The following EMID1 variants were observed in gnomAD, a reference collection of about 807,000 sequenced individuals.
EMID1 encodes the protein EMI domain-containing protein 1.
EMID1 carries 40 observed loss-of-function variants against 60.6 expected under a neutral mutation model. The observed-to-expected ratio is 0.66, with a 90% confidence interval of 0.51 to 0.86. EMID1 has a LOEUF of 0.86. EMID1 is among the 40% of genes least tolerant of loss of function. The pLI, the probability that EMID1 is intolerant of heterozygous loss-of-function variation, is 0.00. For synonymous variants in EMID1, 242 were observed against 231.0 expected (o/e 1.05, Z -0.43); for missense variants, 585 against 597.1 (o/e 0.98, Z 0.21).
At chr22:29,218,871 G>T (rs955599942) in intron 3 of EMID1, among the ~76,000 whole-genome samples, 1 of 152,194 alleles carries the variant, frequency 6.6e-6, no homozygotes, top group East Asian at 1.9e-4. Context: ...AGAGGGCGTG[G>T]GTCTCACATA....
intron 13 of EMID1, among the ~76,000 whole-genome samples, chr22:29,253,076 A>T (rs532018791): frequency 3.3e-5 from 5 of 152,246 alleles, no homozygotes; most frequent in South Asian, 2.1e-4. Flanking sequence ...TGCGAAAGCA[A>T]TATAGGCTTT....
At chr22:29,216,193 A>G (rs2040076310) in intron 3 of EMID1, 1 of 512,514 alleles carries the variant, frequency 2.0e-6, no homozygotes, top group Non-Finnish European at 2.5e-6. Flanking sequence ...CTCTCACCCC[A>G]CCTGGCTTCA....
At chr22:29,227,521 A>G (rs1362886980) in intron 5 of EMID1, among the ~76,000 whole-genome samples, 1 of 152,000 alleles carries the variant, frequency 6.6e-6, no homozygotes, top group East Asian at 1.9e-4. Flanking sequence ...TCTGGCCAAC[A>G]TGGCATAACC....
At chr22:29,232,050 C>T in intron 7 of EMID1, 1 of 614,842 alleles carries the variant, frequency 1.6e-6, no homozygotes, top group East Asian at 2.8e-5. Flanking sequence ...GTTTGGGAGC[C>T]CCAAGGAAGG....
In EMID1 at chr22:29,215,605, G is replaced by A. The variant is rs1251072554; in HGVS notation, c.294G>A (p.Gly98=). Residue 98 remains glycine, a synonymous_variant, in exon 3 of 15, where the codon GGG becomes GGA. Coordinates refer to ENST00000334018, the MANE Select transcript of EMID1 (RefSeq NM_133455.4). ...VTAREWRCCP[G]HSGVSCEEVA... ...CCCGTGAGTGGAGGTGCTGCCCTGG[G>A]CACTCAGGAGTGAGCTGCGAGGAAG... 2 of 1,613,968 alleles carry A rather than the reference G, an allele frequency of 1.2e-6. No homozygotes were observed. Among genetic ancestry groups the A allele is most frequent in the Non-Finnish European group, 1.7e-6 (2 of 1,179,972 alleles).
At chr22:29,219,878 G>A (rs528981056) in intron 3 of EMID1, among the ~76,000 whole-genome samples, 4 of 152,044 alleles carry the variant, frequency 2.6e-5, no homozygotes, top group South Asian at 2.1e-4. Flanking sequence ...AGGGCTGGGC[G>A]CTCTCCACAC....
intron 12 of EMID1, among the ~76,000 whole-genome samples, chr22:29,240,401 T>C (rs2041109804): frequency 6.6e-6 from 1 of 151,532 alleles, no homozygotes; most frequent in Non-Finnish European, 1.5e-5. Flanking sequence ...TAAAAGAGTC[T>C]TGGAACATGT....
intron 1 of EMID1, among the ~76,000 whole-genome samples, chr22:29,214,494 G>T (rs1017301974): frequency 6.6e-6 from 1 of 152,136 alleles, no homozygotes; most frequent in African/African-American, 2.4e-5. Flanking sequence ...ATGTAGGCAG[G>T]TTTCCATTCT....
intron 11 of EMID1, 32 bp from the exon 12 acceptor site, chr22:29,234,273 C>T (rs368181772): frequency 6.2e-7 from 1 of 1,613,586 alleles, no homozygotes; most frequent in Non-Finnish European, 8.5e-7. Context: ...TCCTCAACAG[C>T]TGACGCCATT....
At chr22:29,207,029 G>A (rs1389022645) in intron 1 of EMID1, among the ~76,000 whole-genome samples, 1 of 152,254 alleles carries the variant, frequency 6.6e-6, no homozygotes, top group Non-Finnish European at 1.5e-5. Flanking sequence ...GGCAGACAAT[G>A]TGGAGTAGCC....
intron 6 of EMID1, 183 bp downstream of exon 6, chr22:29,231,323 C>T: frequency 1.0e-6 from 1 of 984,336 alleles, no homozygotes; most frequent in Non-Finnish European, 1.5e-6. Flanking sequence ...CTGAATGCTG[C>T]AGTCCCTGGA....
intron 2 of EMID1, 189 bp from the exon 3 acceptor site, chr22:29,215,338 C>G (rs1280308907): frequency 2.1e-6 from 2 of 947,762 alleles, no homozygotes; most frequent in Non-Finnish European, 2.5e-6. Context: ...TATCCAATCT[C>G]CAATCCCTGT....
At chr22:29,243,740 C>T (rs2041231560) in intron 13 of EMID1, among the ~76,000 whole-genome samples, 1 of 152,238 alleles carries the variant, frequency 6.6e-6, no homozygotes, top group African/African-American at 2.4e-5. Context: ...TCCCTGTCTC[C>T]ACCTTCCCTC....
chr22:29,226,988 T>A (rs132392), intron 5 of EMID1, among the ~76,000 whole-genome samples: 60,156 of 149,520 alleles, frequency 0.4, 12,503 homozygotes, highest in East Asian at 0.62. Context: ...CCATCCCCTT[T>A]CTCTATCCCC....
At chr22:29,228,908 G>A (rs1217613293) in intron 5 of EMID1, among the ~76,000 whole-genome samples, 1 of 151,714 alleles carries the variant, frequency 6.6e-6, no homozygotes, top group Non-Finnish European at 1.5e-5. Flanking sequence ...GGAACTTAAT[G>A]AGATTATCAG....
intron 1 of EMID1, among the ~76,000 whole-genome samples, chr22:29,212,078 C>T (rs989013759): frequency 6.6e-5 from 10 of 152,118 alleles, no homozygotes; most frequent in East Asian, 5.8e-4. Context: ...CTCTGCCTCC[C>T]GGGTTCAAAC....
At chr22:29,244,647 A>G (rs2041264942) in intron 13 of EMID1, among the ~76,000 whole-genome samples, 1 of 151,146 alleles carries the variant, frequency 6.6e-6, no homozygotes, top group Admixed American at 6.6e-5. Flanking sequence ...TCAAAAAAAA[A>G]AAAAGAAAAG....
intron 1 of EMID1, among the ~76,000 whole-genome samples, chr22:29,210,382 A>G (rs2039837991): frequency 6.6e-6 from 1 of 151,250 alleles, no homozygotes; most frequent in South Asian, 2.1e-4. Flanking sequence ...TATTACAGGC[A>G]TGCACCACCA....
intron 1 of EMID1, among the ~76,000 whole-genome samples, chr22:29,208,924 C>T (rs2039778611): frequency 6.6e-6 from 1 of 152,184 alleles, no homozygotes; most frequent in Admixed American, 6.5e-5. Flanking sequence ...TTCTGCTGTC[C>T]CCATTTGCAG....
Sources: allele counts gnomAD v4.1 joint callset (sites outside exome capture counted in the v4.1 genomes callset), GRCh38; gene constraint gnomAD v4.1.1; transcripts MANE v1.5; gene names NCBI Gene and HGNC (gene_info 2026-07-23, HGNC 2026-07-21).